Variants in PDZRN4 observed in about 807,000 individuals in gnomAD.
The protein encoded by PDZRN4 is PDZ domain-containing RING finger protein 4.
Under a neutral mutation model 99.0 loss-of-function variants are expected in PDZRN4, and 70 were observed. The observed-to-expected ratio is 0.71, with a 90% CI of 0.58 to 0.86. PDZRN4 has a LOEUF of 0.86. Among genes scored for constraint, PDZRN4 ranks in the 40% least tolerant of loss-of-function variants. PDZRN4 has a pLI of 0.00. For missense variants in PDZRN4, 1,474 were observed against 1,331.2 expected (o/e 1.11, Z -1.67); for synonymous variants, 551 against 501.6 (o/e 1.10, Z -1.32).
At chr12:41,346,054 C>T (rs1443543625) in intron 3 of PDZRN4, among the ~76,000 whole-genome samples, 3 of 151,944 alleles carry the variant, frequency 2.0e-5, no homozygotes, top group Non-Finnish European at 4.4e-5. Flanking sequence ...GATCAATTTC[C>T]AATTGTACAG....
At chr12:41,336,990 A>C (rs2121006379) in intron 3 of PDZRN4, among the ~76,000 whole-genome samples, 1 of 152,096 alleles carries the variant, frequency 6.6e-6, no homozygotes, top group South Asian at 2.1e-4. Context: ...AGGCTGCATG[A>C]CCCCTAAACT....
intron 3 of PDZRN4, among the ~76,000 whole-genome samples, chr12:41,489,505 G>T (rs1260233983): frequency 6.6e-6 from 1 of 152,066 alleles, no homozygotes; most frequent in Non-Finnish European, 1.5e-5. Flanking sequence ...TGAGGGTAAT[G>T]GAGCAGTAGA....
intron 5 of PDZRN4, among the ~76,000 whole-genome samples, chr12:41,516,843 A>T (rs1235429785): frequency 6.6e-6 from 1 of 151,778 alleles, no homozygotes; most frequent in Non-Finnish European, 1.5e-5. Flanking sequence ...TACTTATTGA[A>T]CTTTAGTTGA....
chr12:41,302,908 G>C (rs1951545304), intron 3 of PDZRN4, among the ~76,000 whole-genome samples: 1 of 148,534 alleles, frequency 6.7e-6, no homozygotes. Flanking sequence ...TTTTAGTCCT[G>C]TCCTGATTTC....
At chr12:41,258,756 G>A (rs1454324941) in intron 3 of PDZRN4, among the ~76,000 whole-genome samples, 1 of 152,018 alleles carries the variant, frequency 6.6e-6, no homozygotes, top group Non-Finnish European at 1.5e-5. Context: ...TATTCTATTA[G>A]GAGAGATGAT....
At chr12:41,226,194 G>A (rs2120737810) in intron 3 of PDZRN4, among the ~76,000 whole-genome samples, 1 of 152,074 alleles carries the variant, frequency 6.6e-6, no homozygotes, top group Admixed American at 6.6e-5. Context: ...TTGCTCACCA[G>A]CTTCATGGCT....
At chr12:41,529,416 T>G (rs532054167) in intron 5 of PDZRN4, among the ~76,000 whole-genome samples, 1 of 152,332 alleles carries the variant, frequency 6.6e-6, no homozygotes, top group South Asian at 2.1e-4. Flanking sequence ...GGAGACCAAC[T>G]AATTCAAGAG....
intron 3 of PDZRN4, among the ~76,000 whole-genome samples, chr12:41,206,639 A>C (rs187197550): frequency 5.3e-4 from 81 of 151,826 alleles, no homozygotes; most frequent in Admixed American, 5.3e-3. Flanking sequence ...CAGCTATTTA[A>C]TGAATACATT....
intron 3 of PDZRN4, among the ~76,000 whole-genome samples, chr12:41,486,556 A>G (rs1937777501): frequency 6.6e-6 from 1 of 152,186 alleles, no homozygotes; most frequent in Admixed American, 6.6e-5. Flanking sequence ...TGGACAGTCT[A>G]CCTGAAGATT....
In PDZRN4 at chr12:41,302,962, A is replaced by ACACACT. The variant is rs551126856; in HGVS notation, c.843+108775_843+108776insACACTC. ...CACACACACACACACACACACACAC[A>ACACACT]CTCACACACACACAAACATACACTA... is the stretch of plus-strand genomic sequence containing the variant. On this transcript the variant is annotated intron_variant, in intron 3 of 9. Transcript: ENST00000402685. 4.2e-3 allele frequency among the ~76,000 whole-genome samples: 613 copies of ACACACT among 147,416 alleles called. 7 individuals carry two copies. The highest frequency in any genetic ancestry group is 0.013 in the African/African-American group (537 of 39,840).
chr12:41,209,225 C>A (rs979093338), intron 3 of PDZRN4, among the ~76,000 whole-genome samples: 3 of 151,980 alleles, frequency 2.0e-5, no homozygotes, highest in African/African-American at 7.2e-5. Context: ...CAGTTACTTT[C>A]TTTAGCTTTC....
intron 3 of PDZRN4, among the ~76,000 whole-genome samples, chr12:41,492,140 A>G (rs2120631932): frequency 1.3e-5 from 2 of 152,084 alleles, no homozygotes; most frequent in Non-Finnish European, 1.5e-5. Context: ...CTCAAAAAAT[A>G]AAACAGCAAT....
Position 41,232,235 on chromosome 12 carries a change from C to T in PDZRN4, c.843+38047C>T, listed in dbSNP as rs116775002. Among the ~76,000 whole-genome samples the T allele has an allele frequency of 2.3e-3, 357 of 151,976 alleles. 2 individuals carry two copies. The highest frequency in any genetic ancestry group is 7.8e-3 in the African/African-American group (323 of 41,472). ...GAAATGCTGTCTTCATATACTGTTG[C>T]GGAATATTTATTTTCATAATAAAGC... On this transcript the variant is annotated intron_variant, in intron 3 of 9. Coordinates refer to ENST00000402685, the MANE Select transcript of PDZRN4 (RefSeq NM_001164595.2).
intron 3 of PDZRN4, among the ~76,000 whole-genome samples, chr12:41,452,044 T>C (rs1004970167): frequency 2.4e-4 from 37 of 151,976 alleles, no homozygotes; most frequent in African/African-American, 8.5e-4. Flanking sequence ...TGTTAATATG[T>C]TTCATATAGG....
rs200258409 is a variant in PDZRN4, at chr12:41,221,519, G to GT, written c.843+27340dup. On this transcript the variant is annotated intron_variant, in intron 3 of 9. Coordinates refer to ENST00000402685, the MANE Select transcript of PDZRN4 (RefSeq NM_001164595.2). The stretch of plus-strand genomic sequence containing the variant: ...GAAAAACAGAACCTTATTAGTGTGG[G>GT]TTTTTTTTTATTACCTGTGTTTGGC... 8.8e-4 allele frequency among the ~76,000 whole-genome samples: 133 copies of GT among 151,428 alleles called. 1 individual carries two copies. Among genetic ancestry groups the GT allele is most frequent in the African/African-American group, 2.7e-3 (112 of 41,324 alleles).
At chr12:41,319,124 C>T (rs1347277288) in intron 3 of PDZRN4, among the ~76,000 whole-genome samples, 3 of 152,206 alleles carry the variant, frequency 2.0e-5, no homozygotes, top group South Asian at 2.1e-4. Flanking sequence ...AGATCGTGGT[C>T]GCATTAATGC....
In PDZRN4 at chr12:41,321,858, T is replaced by C. The variant is rs924871448; in HGVS notation, c.843+127670T>C. On this transcript the variant is annotated intron_variant, in intron 3 of 9. Transcript: ENST00000402685. ...TATTATAACTTTCTAATTTGAATAA[T>C]TATATTGGGATTTACGGTTGGAAAA... is the stretch of plus-strand genomic sequence containing the variant. Among the ~76,000 whole-genome samples the C allele has an allele frequency of 2.6e-5, 4 of 152,192 alleles. No individual in the cohort carries two copies. The East Asian group carries it at 7.7e-4, about 29-fold the overall frequency.
chr12:41,216,343 G>A (rs2120712366), intron 3 of PDZRN4, among the ~76,000 whole-genome samples: 1 of 151,982 alleles, frequency 6.6e-6, no homozygotes. Flanking sequence ...AGGTACTGGG[G>A]GTGAAAGTTG....
intron 3 of PDZRN4, among the ~76,000 whole-genome samples, chr12:41,276,002 T>C (rs1227885129): frequency 6.6e-6 from 1 of 152,184 alleles, no homozygotes; most frequent in Non-Finnish European, 1.5e-5. Context: ...CAGATTTATA[T>C]GCTTTTCTAT....
Sources: allele counts gnomAD v4.1 joint callset (sites outside exome capture counted in the v4.1 genomes callset), GRCh38; gene constraint gnomAD v4.1.1; transcripts MANE v1.5; gene names NCBI Gene and HGNC (gene_info 2026-07-23, HGNC 2026-07-21).